LHFPL3: variants seen among roughly 807,000 people sequenced by gnomAD.
LHFPL3 encodes the protein LHFPL tetraspan subfamily member 3 protein.
A neutral mutation model predicts 19.3 loss-of-function variants in LHFPL3; 5 were observed. That is an observed-to-expected ratio of 0.26 (90% CI 0.14 to 0.54). The LOEUF is 0.54. LHFPL3 is among the 20% of genes least tolerant of loss of function. The pLI is 0.94. For synonymous variants in LHFPL3, 133 were observed against 126.2 expected (o/e 1.05, Z -0.36); for missense variants, 249 against 307.4 (o/e 0.81, Z 1.42).
intron 1 of LHFPL3, among the ~76,000 whole-genome samples, chr7:104,537,330 C>T (rs556409800): frequency 6.6e-6 from 1 of 152,340 alleles, no homozygotes; most frequent in African/African-American, 2.4e-5. Context: ...ACTTCCATTT[C>T]CCATGGAGGA....
intron 1 of LHFPL3, among the ~76,000 whole-genome samples, chr7:104,347,137 A>G (rs375704386): frequency 9.9e-5 from 15 of 152,148 alleles, no homozygotes; most frequent in African/African-American, 3.6e-4. Flanking sequence ...CACCATCGCC[A>G]TTGTCTTATC....
At chr7:104,720,160 C>A (rs1223284497) in intron 1 of LHFPL3, among the ~76,000 whole-genome samples, 3 of 152,082 alleles carry the variant, frequency 2.0e-5, no homozygotes, top group African/African-American at 7.2e-5. Flanking sequence ...TCTACAGTAA[C>A]CAAAACAGCA....
rs552789182 is a variant in LHFPL3 at position 104,430,524 on chromosome 7, A to G, written c.445+101300A>G. Among the ~76,000 whole-genome samples the G allele has an allele frequency of 2.8e-3, 343 of 121,068 alleles. 2 individuals carry two copies. Among genetic ancestry groups the G allele is most frequent in the African/African-American group, 0.01 (335 of 33,350 alleles). 79.4% of individuals were successfully genotyped at this position (121,068 alleles called of 152,430 possible). A position where few individuals can be genotyped will look rare whatever the true frequency, so the allele number is the denominator to read the frequency against. On this transcript the variant is annotated intron_variant, in intron 1 of 2. Transcript: ENST00000424859. ...TGCTCTGTCGCCCAGGCTGGAGTGC[A>G]GTGGTGCAATCTCAGCTCACTGCAA... is the stretch of plus-strand genomic sequence containing the variant.
intron 2 of LHFPL3, among the ~76,000 whole-genome samples, chr7:104,843,185 A>AG (rs1201346972): frequency 2.0e-5 from 3 of 152,250 alleles, no homozygotes; most frequent in African/African-American, 4.8e-5. Flanking sequence ...GGGAGCCTGC[A>AG]GCCCAGCTGG....
chr7:104,878,554 A>G (rs548009325), intron 2 of LHFPL3, among the ~76,000 whole-genome samples: 39 of 152,170 alleles, frequency 2.6e-4, no homozygotes, highest in Middle Eastern at 3.4e-3. Flanking sequence ...CCATTCCCCC[A>G]TCTCTTTCCC....
intron 2 of LHFPL3, among the ~76,000 whole-genome samples, chr7:104,901,690 C>T (rs1410934369): frequency 2.0e-5 from 3 of 152,142 alleles, no homozygotes; most frequent in South Asian, 4.2e-4. Context: ...ACCTAAACCT[C>T]CCACATAGCT....
At chr7:104,479,949 T>C (rs545055568) in intron 1 of LHFPL3, among the ~76,000 whole-genome samples, 1 of 152,238 alleles carries the variant, frequency 6.6e-6, no homozygotes, top group Non-Finnish European at 1.5e-5. Flanking sequence ...TAAGATTGGG[T>C]AAATAGGTTT....
chr7:104,588,480 C>G (rs1364833993), intron 1 of LHFPL3, among the ~76,000 whole-genome samples: 1 of 152,186 alleles, frequency 6.6e-6, no homozygotes, highest in African/African-American at 2.4e-5. Context: ...ATCTATATCT[C>G]TGTTTTGGTA....
chr7:104,567,291 T>C (rs1430539921), intron 1 of LHFPL3, among the ~76,000 whole-genome samples: 1 of 152,236 alleles, frequency 6.6e-6, no homozygotes, highest in African/African-American at 2.4e-5. Flanking sequence ...CAGTGTTTAA[T>C]CATAGAGCCA....
At chr7:104,346,352 T>C (rs1337182465) in intron 1 of LHFPL3, among the ~76,000 whole-genome samples, 1 of 151,958 alleles carries the variant, frequency 6.6e-6, no homozygotes, top group African/African-American at 2.4e-5. Context: ...TTTTTTTTTT[T>C]TGGTCATCTG....
intron 1 of LHFPL3, among the ~76,000 whole-genome samples, chr7:104,643,704 C>G (rs527347001): frequency 6.6e-6 from 1 of 152,224 alleles, no homozygotes; most frequent in East Asian, 1.9e-4. Flanking sequence ...TTTAAAAGCT[C>G]CCCAGATGAT....
At chr7:104,484,909 C>T (rs888531480) in intron 1 of LHFPL3, among the ~76,000 whole-genome samples, 4 of 152,112 alleles carry the variant, frequency 2.6e-5, no homozygotes, top group African/African-American at 9.7e-5. Context: ...GACCTAGTCA[C>T]CTCCTAAAAA....
chr7:104,520,703 T>A (rs7789855), intron 1 of LHFPL3, among the ~76,000 whole-genome samples: 1 of 128,326 alleles, frequency 7.8e-6, no homozygotes, highest in Non-Finnish European at 1.7e-5. Flanking sequence ...GGAATTTATC[T>A]ATTTCTTCTA....
chr7:104,601,094 A>T (rs1008800809), intron 1 of LHFPL3, among the ~76,000 whole-genome samples: 1 of 152,136 alleles, frequency 6.6e-6, no homozygotes, highest in Non-Finnish European at 1.5e-5. Flanking sequence ...GCCTTTTTCC[A>T]TCTCCAATTT....
At chr7:104,735,809 T>C (rs1793804543) in intron 1 of LHFPL3, among the ~76,000 whole-genome samples, 1 of 152,234 alleles carries the variant, frequency 6.6e-6, no homozygotes, top group African/African-American at 2.4e-5. Context: ...CTGGGAGCTA[T>C]AGACTGGAGC....
intron 2 of LHFPL3, among the ~76,000 whole-genome samples, chr7:104,782,837 A>G (rs1273191070): frequency 1.3e-5 from 2 of 152,240 alleles, no homozygotes; most frequent in African/African-American, 4.8e-5. Context: ...CAAGCATGCC[A>G]TGCTTTCACT....
At chr7:104,869,775 T>C (rs1791796538) in intron 2 of LHFPL3, among the ~76,000 whole-genome samples, 1 of 152,186 alleles carries the variant, frequency 6.6e-6, no homozygotes. Flanking sequence ...CATGCTGCTA[T>C]AAAGACACAT....
chr7:104,762,504 C>T (rs1272637869), intron 2 of LHFPL3, among the ~76,000 whole-genome samples: 2 of 151,996 alleles, frequency 1.3e-5, no homozygotes, highest in Admixed American at 6.6e-5. Flanking sequence ...GGTAAGGCAA[C>T]GTGGATCCTG....
At chr7:104,770,968 T>C (rs1156608214) in intron 2 of LHFPL3, among the ~76,000 whole-genome samples, 1 of 152,030 alleles carries the variant, frequency 6.6e-6, no homozygotes, top group African/African-American at 2.4e-5. Flanking sequence ...CATTGATGAA[T>C]CCCCGCAAGC....
Sources: gnomAD v4.1 joint callset for allele counts (sites outside exome capture counted in the v4.1 genomes callset) on GRCh38, gnomAD v4.1.1 for gene constraint, MANE v1.5 for transcripts, NCBI Gene and HGNC (gene_info 2026-07-23, HGNC 2026-07-21) for gene names.